RFWD3: variants seen among roughly 807,000 people sequenced by gnomAD.
RFWD3 encodes E3 ubiquitin-protein ligase RFWD3.
Under a neutral mutation model 87.7 loss-of-function variants are expected in RFWD3, and 65 were observed. That is an observed-to-expected ratio of 0.74 (90% CI 0.61 to 0.91). RFWD3 has a LOEUF of 0.91. RFWD3 is among the 40% of genes least tolerant of loss of function. The probability of loss-of-function intolerance (pLI) is 0.00; values close to 1 mark genes in which losing one functional copy is unlikely to be tolerated. For synonymous variants in RFWD3, 433 were observed against 352.8 expected, an observed-to-expected ratio of 1.23 and a Z score of -2.55; for missense variants, 1,078 against 938.5, an observed-to-expected ratio of 1.15 and a Z score of -1.94.
chr16:74,666,430 C>A (rs1350519454), intron 1 of RFWD3: 1 of 152,134 alleles, frequency 6.6e-6, no homozygotes, highest in Non-Finnish European at 1.5e-5. Flanking sequence ...CGGGCGCAGG[C>A]AACGCCGCTG....
intron 4 of RFWD3, among the ~76,000 whole-genome samples, chr16:74,645,745 C>CTTTTTTTTTTTTTT (rs71376293): frequency 1.3e-5 from 1 of 74,212 alleles, no homozygotes; most frequent in Non-Finnish European, 2.3e-5. Context: ...CAAATATTTT[C>CTTTTTTTTTTTTTT]TTTTTTTTTT....
At position 74,622,803 on chromosome 16, in the gene RFWD3, T is replaced by C. The variant is rs1224144311; in HGVS notation, c.*1125A>G. ...AATACAAACTGAGCCCTAGAAAAGG[T>C]TAGGGAGGCAAATCAAAGGAAACTG... On this transcript the variant is annotated 3_prime_UTR_variant, in exon 13 of 13. Transcript: ENST00000361070. The C allele has an allele frequency of 6.6e-6, 1 of 152,012 alleles. No homozygotes were observed. The highest frequency in any genetic ancestry group is 2.4e-5 in the African/African-American group (1 of 41,360). 9.4% of individuals were successfully genotyped at this position (152,012 alleles called of 1,614,324 possible). A position where few individuals can be genotyped will look rare whatever the true frequency, so the allele number is the denominator to read the frequency against.
intron 2 of RFWD3, 50 bp downstream of exon 2, chr16:74,660,882 A>G (rs766853659): frequency 2.6e-6 from 4 of 1,544,306 alleles, no homozygotes; most frequent in African/African-American, 2.7e-5. Context: ...CCTCAGTTTC[A>G]TAATTTCTAG....
intron 6 of RFWD3, among the ~76,000 whole-genome samples, chr16:74,643,669 G>GCTTTTTTTTTTTT (rs56803461): frequency 9.5e-6 from 1 of 105,054 alleles, no homozygotes; most frequent in Non-Finnish European, 1.9e-5. Context: ...ACTAGCAACT[G>GCTTTTTTTTTTTT]TTTTTTTTTT....
intron 2 of RFWD3, among the ~76,000 whole-genome samples, chr16:74,659,152 T>C (rs1961233356): frequency 6.6e-6 from 1 of 152,152 alleles, no homozygotes; most frequent in Non-Finnish European, 1.5e-5. Context: ...TTTATAAGTG[T>C]CACCCTTAAG....
At chr16:74,633,676 A>G (rs1421745993) in intron 8 of RFWD3, among the ~76,000 whole-genome samples, 1 of 152,082 alleles carries the variant, frequency 6.6e-6, no homozygotes, top group African/African-American at 2.4e-5. Context: ...ATGGCCAAGC[A>G]TGGTAGCTCG....
At chr16:74,632,247 C>T (rs1959121955) in intron 9 of RFWD3, among the ~76,000 whole-genome samples, 1 of 151,976 alleles carries the variant, frequency 6.6e-6, no homozygotes, top group Non-Finnish European at 1.5e-5. Flanking sequence ...AAAATATTAG[C>T]CAGGCATGGT....
At chr16:74,656,546 G>GGAGCCA in intron 2 of RFWD3, among the ~76,000 whole-genome samples, 1 of 151,970 alleles carries the variant, frequency 6.6e-6, no homozygotes, top group South Asian at 2.1e-4. Context: ...GCAGTGGCAT[G>GGAGCCA]ATATTGGCTC....
At chr16:74,628,297 A>T (rs1468174596) in intron 11 of RFWD3, among the ~76,000 whole-genome samples, 155 bp downstream of exon 11, 1 of 152,080 alleles carries the variant, frequency 6.6e-6, no homozygotes, top group African/African-American at 2.4e-5. Flanking sequence ...GGGAGCTTGG[A>T]GCCACCATAC....
At chr16:74,659,802 TCA>T (rs1961285956) in intron 2 of RFWD3, among the ~76,000 whole-genome samples, 1 of 152,100 alleles carries the variant, frequency 6.6e-6, no homozygotes, top group African/African-American at 2.4e-5. Flanking sequence ...CACAACCAAA[TCA>T]CAAATTATCC....
intron 4 of RFWD3, among the ~76,000 whole-genome samples, chr16:74,646,132 T>C (rs1485058545): frequency 2.0e-5 from 3 of 152,144 alleles, no homozygotes; most frequent in Admixed American, 2.0e-4. Context: ...CCCAGCTTAT[T>C]GGGAGGCCAA....
chr16:74,644,155 A>G (rs779501903), intron 6 of RFWD3: 5 of 618,288 alleles, frequency 8.1e-6, no homozygotes, highest in Admixed American at 2.7e-5. Context: ...AATGCTCTAC[A>G]TAAGGCAAAC....
chr16:74,649,284 G>A (rs1304567183), intron 3 of RFWD3, 82 bp from the exon 4 acceptor site: 1 of 978,860 alleles, frequency 1.0e-6, no homozygotes. Context: ...GCAGGAGAGA[G>A]CCTGACTCAC....
intron 4 of RFWD3, among the ~76,000 whole-genome samples, chr16:74,648,184 G>C (rs574357352): frequency 1.3e-5 from 2 of 152,146 alleles, no homozygotes; most frequent in Non-Finnish European, 2.9e-5. Flanking sequence ...GGCTAGACAG[G>C]ACAGGTTATC....
intron 1 of RFWD3, among the ~76,000 whole-genome samples, chr16:74,662,315 GAAGT>G (rs765072445): frequency 7.2e-5 from 11 of 152,042 alleles, no homozygotes; most frequent in African/African-American, 1.2e-4. Context: ...ATTACTTTGT[GAAGT>G]AAGGCACGTG....
chr16:74,646,802 G>A (rs1463328722), intron 4 of RFWD3, among the ~76,000 whole-genome samples: 1 of 152,116 alleles, frequency 6.6e-6, no homozygotes, highest in Non-Finnish European at 1.5e-5. Context: ...ACCAGGCATG[G>A]TGGCTCACGC....
At position 74,661,261 on chromosome 16, in the gene RFWD3, G is replaced by C; in HGVS notation, c.189C>G (p.Ser63Arg). The change falls in exon 2 of 13, where the codon AGC becomes AGG. Residue 63 changes from serine to arginine, a missense_variant. By Grantham distance (110) the Ser-to-Arg change is moderately radical. Coordinates refer to ENST00000361070, the MANE Select transcript of RFWD3 (RefSeq NM_018124.4). ...GCTGGAGCAGGGGTGGTGTCGCTTG[G>C]CTGCTGATCACCTCAGCAGGAGCTG... ...LQPAPAEVIS[S>R]QATPPLLQPA... 6.2e-7 allele frequency: 1 copy of C among 1,614,142 alleles called. No homozygotes were observed.
chr16:74,631,885 G>A (rs1020396740), intron 9 of RFWD3, among the ~76,000 whole-genome samples: 1 of 152,070 alleles, frequency 6.6e-6, no homozygotes, highest in Non-Finnish European at 1.5e-5. Flanking sequence ...CTCACAAAGC[G>A]CTAGGATTAC....
intron 8 of RFWD3, among the ~76,000 whole-genome samples, chr16:74,634,618 G>C (rs900441392): frequency 6.6e-6 from 1 of 151,982 alleles, no homozygotes; most frequent in Non-Finnish European, 1.5e-5. Context: ...CATACTCCTG[G>C]GCCCAAACGA....
Sources: gnomAD v4.1 joint callset for allele counts (sites outside exome capture counted in the v4.1 genomes callset) on GRCh38, gnomAD v4.1.1 for gene constraint, MANE v1.5 for transcripts, NCBI Gene and HGNC (gene_info 2026-07-23, HGNC 2026-07-21) for gene names.